The following ANKRD30B variants were observed in gnomAD, a reference collection of about 807,000 sequenced individuals.
ANKRD30B encodes the protein ankyrin repeat domain 30B.
In ANKRD30B, 144 loss-of-function variants were observed where a neutral mutation model predicts 202.2. The ratio of observed to expected loss-of-function variants is 0.71; its 90% CI spans 0.62 to 0.82. ANKRD30B has a LOEUF of 0.82. ANKRD30B is among the 40% of genes least tolerant of loss of function. ANKRD30B has a pLI of 0.00. For synonymous variants in ANKRD30B, 508 were observed against 561.3 expected, an observed-to-expected ratio of 0.91 and a Z score of 1.34; for missense variants, 1,487 against 1,669.1, an observed-to-expected ratio of 0.89 and a Z score of 1.90.
Position 14,852,905 on chromosome 18 carries a change from T to A in ANKRD30B, c.4476+485T>A, listed in dbSNP as rs1351053783. Among the ~76,000 whole-genome samples the A allele has an allele frequency of 5.3e-5, 8 of 152,180 alleles. No homozygotes were observed. In the East Asian group the frequency reaches 1.5e-3, roughly 29 times the overall value. ...TTTCTGCATCTTGTAATAACACTTT[T>A]TAAGTAGCTTTTTATATATTTTATT... On this transcript the variant is annotated intron_variant, in intron 42 of 43. Transcript: ENST00000690538.
Position 14,763,972 on chromosome 18 carries a change from T to C in ANKRD30B, c.1107T>C (p.Ser369=). 1 of 1,605,434 alleles carries C rather than the reference T, an allele frequency of 6.2e-7. No homozygotes were observed. The highest frequency in any genetic ancestry group is 1.7e-5 in the Admixed American group (1 of 58,808). The stretch of plus-strand genomic sequence containing the variant: ...TCACATGGGAGGAAAAAGAAACATC[T>C]GTAAAGACTGAATGCGTGGCAGGAG... ...RKITWEEKET[S]VKTECVAGVT... The change falls in exon 7 of 44, where the codon TCT becomes TCC. Residue 369 remains serine (S), a synonymous_variant. Transcript: ENST00000690538.
chr18:14,861,330 CA>C, the ANKRD30B span, among the ~76,000 whole-genome samples: 4 of 152,114 alleles, frequency 2.6e-5, no homozygotes, highest in East Asian at 7.7e-4. Context: ...CACAAAGTGG[CA>C]AACTGGATAA....
At chr18:14,787,206 A>G (rs1968147702) in intron 15 of ANKRD30B, 106 bp downstream of exon 15, 1 of 998,348 alleles carries the variant, frequency 1.0e-6, no homozygotes, top group Non-Finnish European at 1.4e-6. Flanking sequence ...GTCACCCCCA[A>G]ATTATTTTTT....
chr18:14,904,537 A>G, the ANKRD30B span, among the ~76,000 whole-genome samples: 2 of 151,658 alleles, frequency 1.3e-5, no homozygotes, highest in Admixed American at 6.6e-5. Flanking sequence ...ATCTTTTTCT[A>G]TTCCTCAACT....
intron 15 of ANKRD30B, 81 bp from the exon 16 acceptor site, chr18:14,791,320 A>G: frequency 8.3e-7 from 1 of 1,202,302 alleles, no homozygotes; most frequent in Non-Finnish European, 1.2e-6. Context: ...TTTTTAAAAA[A>G]GATTCTAGTT....
intron 1 of ANKRD30B, among the ~76,000 whole-genome samples, chr18:14,749,506 T>C (rs111456598): frequency 0.021 from 3,206 of 151,736 alleles, 133 homozygotes; most frequent in African/African-American, 0.075. Context: ...ACACCGTCTC[T>C]ACAAAAATAC....
intron 15 of ANKRD30B, among the ~76,000 whole-genome samples, chr18:14,789,402 C>A (rs2143911916): frequency 6.6e-6 from 1 of 152,188 alleles, no homozygotes; most frequent in East Asian, 1.9e-4. Flanking sequence ...TAATGAGATC[C>A]CATTTGTCAA....
the ANKRD30B span, among the ~76,000 whole-genome samples, chr18:14,912,037 T>C: frequency 2.1e-4 from 32 of 152,302 alleles, no homozygotes; most frequent in African/African-American, 7.2e-4. Context: ...CCTTTAGAGT[T>C]TTCTACATAT....
At chr18:14,793,399 T>G (rs1410779779) in intron 16 of ANKRD30B, among the ~76,000 whole-genome samples, 1 of 152,216 alleles carries the variant, frequency 6.6e-6, no homozygotes, top group Non-Finnish European at 1.5e-5. Context: ...TGTAGCATTC[T>G]ATGTTCAGCT....
At chr18:14,865,656 C>G in the ANKRD30B span, among the ~76,000 whole-genome samples, 21 of 151,028 alleles carry the variant, frequency 1.4e-4, no homozygotes, top group Middle Eastern at 3.5e-3. Flanking sequence ...CATCTTTATG[C>G]AATGCCTTCT....
At chr18:14,767,361 T>C (rs1916404606) in intron 7 of ANKRD30B, among the ~76,000 whole-genome samples, 1 of 152,190 alleles carries the variant, frequency 6.6e-6, no homozygotes, top group South Asian at 2.1e-4. Flanking sequence ...TATATGCATA[T>C]TTATGATAGT....
At chr18:14,930,147 C>G in the ANKRD30B span, among the ~76,000 whole-genome samples, 1 of 152,148 alleles carries the variant, frequency 6.6e-6, no homozygotes, top group Non-Finnish European at 1.5e-5. Context: ...GGGGAAGAAG[C>G]AGGACACTGG....
the ANKRD30B span, among the ~76,000 whole-genome samples, chr18:14,929,048 TG>T: frequency 7.2e-5 from 11 of 152,322 alleles, 1 homozygote; most frequent in South Asian, 2.3e-3. Context: ...GTTGGCTCTG[TG>T]GTTCTCAGCA....
the ANKRD30B span, among the ~76,000 whole-genome samples, chr18:14,878,651 T>G: frequency 2.0e-5 from 3 of 152,180 alleles, no homozygotes; most frequent in Non-Finnish European, 2.9e-5. Context: ...GTTCCCTTTA[T>G]CCCAGCCCCC....
At chr18:14,864,911 T>C in the ANKRD30B span, among the ~76,000 whole-genome samples, 1 of 151,886 alleles carries the variant, frequency 6.6e-6, no homozygotes, top group Admixed American at 6.6e-5. Flanking sequence ...TTTTAACCCA[T>C]CTACCTCCCC....
At chr18:14,886,674 A>G in the ANKRD30B span, among the ~76,000 whole-genome samples, 2 of 152,038 alleles carry the variant, frequency 1.3e-5, no homozygotes, top group Non-Finnish European at 2.9e-5. Flanking sequence ...TTTATTATGT[A>G]TTTTCTTTTG....
chr18:14,757,980 G>T, intron 5 of ANKRD30B, 28 bp downstream of exon 5: 1 of 1,554,084 alleles, frequency 6.4e-7, no homozygotes, highest in Non-Finnish European at 8.7e-7. Context: ...AAGGCTAGGT[G>T]AAATTTTATT....
chr18:14,767,591 C>T (rs1916449337), intron 7 of ANKRD30B, among the ~76,000 whole-genome samples: 1 of 151,984 alleles, frequency 6.6e-6, no homozygotes, highest in Non-Finnish European at 1.5e-5. Flanking sequence ...TGGTGTTAGG[C>T]TACTAATTAT....
the ANKRD30B span, among the ~76,000 whole-genome samples, chr18:14,902,417 A>G: frequency 6.6e-6 from 1 of 152,176 alleles, no homozygotes; most frequent in African/African-American, 2.4e-5. Context: ...CCGGCTTCCA[A>G]TCTTAAGAGG....
Sources: allele counts gnomAD v4.1 joint callset (sites outside exome capture counted in the v4.1 genomes callset), GRCh38; gene constraint gnomAD v4.1.1; transcripts MANE v1.5; gene names NCBI Gene and HGNC (gene_info 2026-07-23, HGNC 2026-07-21).